The following DPF3 variants were observed in gnomAD, a reference collection of about 807,000 sequenced individuals.
DPF3 encodes the protein double PHD fingers 3.
DPF3 carries 18 observed loss-of-function variants against 56.8 expected under a neutral mutation model. The observed-to-expected ratio is 0.32, with a 90% CI of 0.22 to 0.47. The LOEUF (loss-of-function observed/expected upper bound fraction) is 0.47. Ranked by LOEUF, DPF3 falls within the 20% of genes least tolerant of loss-of-function variation. The pLI is 1.00. For missense variants in DPF3, 403 were observed against 488.8 expected, an observed-to-expected ratio of 0.82 and a Z score of 1.65; for synonymous variants, 188 against 180.2, an observed-to-expected ratio of 1.04 and a Z score of -0.35.
At chr14:72,649,222 T>A (rs951039155) in intron 8 of DPF3, among the ~76,000 whole-genome samples, 4 of 152,138 alleles carry the variant, frequency 2.6e-5, no homozygotes, top group African/African-American at 9.7e-5. Context: ...AAGACCTAAG[T>A]TAGGAAAGGA....
chr14:72,662,193 G>T, intron 8 of DPF3: 1 of 985,266 alleles, frequency 1.0e-6, no homozygotes, highest in Non-Finnish European at 1.2e-6. Flanking sequence ...CATCCAACTC[G>T]CAGAAATAAA....
intron 5 of DPF3, among the ~76,000 whole-genome samples, chr14:72,720,829 A>G (rs1003774761): frequency 3.9e-5 from 6 of 152,236 alleles, no homozygotes; most frequent in Non-Finnish European, 7.3e-5. Context: ...TCTGACCAAT[A>G]GAAATACAAT....
chr14:72,721,064 G>T (rs1356538677), intron 5 of DPF3, among the ~76,000 whole-genome samples: 1 of 151,894 alleles, frequency 6.6e-6, no homozygotes, highest in Non-Finnish European at 1.5e-5. Context: ...TTTCCATTAG[G>T]ACTAGACACA....
intron 6 of DPF3, among the ~76,000 whole-genome samples, chr14:72,698,848 C>T (rs1888025699): frequency 7.1e-6 from 1 of 140,864 alleles, no homozygotes; most frequent in Non-Finnish European, 1.5e-5. Flanking sequence ...CTCCCACTGG[C>T]AGCAAGCATG....
At chr14:72,763,717 A>T (rs1284425249) in intron 2 of DPF3, among the ~76,000 whole-genome samples, 2 of 152,212 alleles carry the variant, frequency 1.3e-5, no homozygotes, top group Non-Finnish European at 2.9e-5. Flanking sequence ...AATTCATGAA[A>T]GAATAAATTG....
At chr14:72,741,479 C>G (rs1364574254) in intron 3 of DPF3, among the ~76,000 whole-genome samples, 1 of 152,204 alleles carries the variant, frequency 6.6e-6, no homozygotes, top group East Asian at 1.9e-4. Flanking sequence ...AACCCAAAAC[C>G]AAACAGCCAA....
In DPF3 at chr14:72,771,772, T is replaced by C. The variant is rs772329830; in HGVS notation, c.154A>G (p.Asn52Asp). The change falls in exon 2 of 11, where the codon AAC (asparagine) becomes GAC (aspartate). Residue 52 changes from asparagine to aspartate, a missense_variant. Around this residue, in one of 2 missense-constraint regions of DPF3, gnomAD observed 340 missense variants for 374.3 expected, o/e 0.91. Coordinates refer to ENST00000556509, the MANE Select transcript of DPF3 (RefSeq NM_001280542.3). ...CTCTTCTCCATCCAGATGTAGCAGT[T>C]GTTCTGGGCCACCCCAGTCTGTGAG... ...LDSQTGVAQN[N>D]CYIWMEKRHR... 5.6e-6 allele frequency: 9 copies of C among 1,613,376 alleles called. No homozygotes were observed. In the Admixed American group the frequency reaches 8.3e-5, roughly 15 times the overall value.
Position 72,614,523 on chromosome 14 carries a change from C to T in DPF3, c.*4774G>A, listed in dbSNP as rs61996611. Among the ~76,000 whole-genome samples, 6,975 of 152,118 alleles carry T rather than the reference C, an allele frequency of 0.046. 196 individuals carry two copies. Among genetic ancestry groups the T allele is most frequent in the Middle Eastern group, 0.1 (30 of 292 alleles). On this transcript the variant is annotated 3_prime_UTR_variant, in exon 11 of 11. Coordinates refer to ENST00000556509, the MANE Select transcript of DPF3 (RefSeq NM_001280542.3). Reference sequence around the variant, plus strand: ...GGGGGACAGGGGCCTGGGGGCCTGACCCCTCTGGTAGCAGTGCCTGGAAAT... The same window carrying T: ...GGGGGACAGGGGCCTGGGGGCCTGATCCCTCTGGTAGCAGTGCCTGGAAAT...
chr14:72,787,208 A>T (rs1228052998), intron 1 of DPF3, among the ~76,000 whole-genome samples: 1 of 152,248 alleles, frequency 6.6e-6, no homozygotes, highest in Non-Finnish European at 1.5e-5. Flanking sequence ...GAAAGTGATC[A>T]GGATATGCAC....
At chr14:72,870,260 A>G (rs1226977326) in intron 1 of DPF3, among the ~76,000 whole-genome samples, 1 of 152,198 alleles carries the variant, frequency 6.6e-6, no homozygotes, top group African/African-American at 2.4e-5. Flanking sequence ...TGTCAGGCCA[A>G]CTTGGAGGAC....
intron 6 of DPF3, among the ~76,000 whole-genome samples, chr14:72,709,687 G>T (rs907129307): frequency 2.6e-5 from 4 of 151,998 alleles, no homozygotes; most frequent in Non-Finnish European, 2.9e-5. Flanking sequence ...AGGACGCTGG[G>T]ATCATATCCC....
chr14:72,708,719 A>G (rs1888524486), intron 6 of DPF3, among the ~76,000 whole-genome samples: 1 of 152,220 alleles, frequency 6.6e-6, no homozygotes, highest in Non-Finnish European at 1.5e-5. Context: ...CCTTGGGCTC[A>G]AGCTTTTGTC....
chr14:72,766,295 A>G (rs1599422558), intron 2 of DPF3, among the ~76,000 whole-genome samples: 1 of 152,228 alleles, frequency 6.6e-6, no homozygotes, highest in East Asian at 1.9e-4. Flanking sequence ...TATCCTGGAC[A>G]TTATTCATAG....
At position 72,885,254 on chromosome 14, in the gene DPF3, G is replaced by A. The variant is rs192468660; in HGVS notation, c.32+8803C>T. ...AGAACGCAATGGACTACCAATAGAG[G>A]GAGAGGCAGAGAGGTTGAATTCTGT... On this transcript the variant is annotated intron_variant, in intron 1 of 10. Coordinates refer to ENST00000556509, the MANE Select transcript of DPF3 (RefSeq NM_001280542.3). Among the ~76,000 whole-genome samples the A allele has an allele frequency of 4.1e-3, 628 of 151,850 alleles. 2 individuals carry two copies. The highest frequency in any genetic ancestry group is 7.2e-3 in the Non-Finnish European group (492 of 67,926).
chr14:72,752,144 G>A (rs980996775), intron 3 of DPF3, among the ~76,000 whole-genome samples: 19 of 152,310 alleles, frequency 1.2e-4, no homozygotes, highest in South Asian at 4.1e-4. Flanking sequence ...CCTTTGCCAG[G>A]CAGCCAGGCT....
chr14:72,740,591 G>T (rs184370537), intron 3 of DPF3, among the ~76,000 whole-genome samples: 1 of 152,342 alleles, frequency 6.6e-6, no homozygotes, highest in Admixed American at 6.5e-5. Flanking sequence ...TGGTGTCAAT[G>T]CAAAGTGGGC....
chr14:72,764,153 T>C lies in DPF3; in HGVS notation c.193+7580A>G, dbSNP rs141405105. Among the ~76,000 whole-genome samples, 562 of 151,538 alleles carry C rather than the reference T, an allele frequency of 3.7e-3. 2 individuals carry two copies. Among genetic ancestry groups the C allele is most frequent in the African/African-American group, 0.013 (542 of 40,894 alleles). On this transcript the variant is annotated intron_variant, in intron 2 of 10. Coordinates refer to ENST00000556509, the MANE Select transcript of DPF3 (RefSeq NM_001280542.3). ...AGCCAACCACAAGATTAGCAGGCTG[T>C]ACCTTTTAGCCCCAACTCTAACTTC...
chr14:72,613,051 C>T lies in DPF3; in HGVS notation c.*6246G>A, dbSNP rs185897532. 2.6e-5 allele frequency among the ~76,000 whole-genome samples: 4 copies of T among 151,824 alleles called. No homozygotes were observed. Among genetic ancestry groups the T allele is most frequent in the East Asian group, 2.0e-4 (1 of 5,114 alleles). On this transcript the variant is annotated 3_prime_UTR_variant, in exon 11 of 11. Transcript: ENST00000556509. ...GTGTGTATGTGCGTGCGTGCACGCA[C>T]GCGCATGCACATGGGCATTCCTGTT...
At chr14:72,638,897 A>C (rs1253119448) in intron 8 of DPF3, among the ~76,000 whole-genome samples, 1 of 148,326 alleles carries the variant, frequency 6.7e-6, no homozygotes, top group Admixed American at 6.8e-5. Flanking sequence ...GCTCACTGCG[A>C]GCTCTGCCTC....
Sources: gnomAD v4.1 joint callset for allele counts (sites outside exome capture counted in the v4.1 genomes callset) on GRCh38, gnomAD v4.1.1 for gene constraint, gnomAD v4.1.1 regional missense constraint, MANE v1.5 for transcripts, NCBI Gene and HGNC (gene_info 2026-07-23, HGNC 2026-07-21) for gene names.